Variants in PLAG1 observed in about 807,000 individuals in gnomAD.
PLAG1 encodes PLAG1 zinc finger, also known as zinc finger protein PLAG1.
PLAG1 carries 7 observed loss-of-function variants against 35.5 expected under a neutral mutation model. That is an observed-to-expected ratio of 0.20 (90% CI 0.11 to 0.37). The LOEUF is 0.37. Among genes scored for constraint, PLAG1 ranks in the 10% least tolerant of loss-of-function variants. The pLI is 1.00. For synonymous variants in PLAG1, 229 were observed against 225.4 expected (o/e 1.02, Z -0.14); for missense variants, 454 against 602.8 (o/e 0.75, Z 2.58).
chr8:56,196,654 G>A (rs367865217), intron 1 of PLAG1, among the ~76,000 whole-genome samples: 7 of 152,062 alleles, frequency 4.6e-5, no homozygotes, highest in African/African-American at 1.4e-4. Context: ...ACGCATAGAC[G>A]AGCAGCGTGT....
chr8:56,171,051 G>C, intron 3 of PLAG1, 40 bp downstream of exon 3: 1 of 390,944 alleles, frequency 2.6e-6, no homozygotes, highest in Non-Finnish European at 3.5e-6. Context: ...CTTTAAAGGT[G>C]CATGCATAGA....
chr8:56,208,021 G>T (rs761792308), intron 1 of PLAG1, among the ~76,000 whole-genome samples: 2 of 152,078 alleles, frequency 1.3e-5, no homozygotes, highest in Non-Finnish European at 2.9e-5. Flanking sequence ...CAGTCATAGT[G>T]TCCAAACAAC....
intron 1 of PLAG1, among the ~76,000 whole-genome samples, chr8:56,191,824 A>C (rs79722344): frequency 5.3e-5 from 8 of 150,396 alleles, no homozygotes; most frequent in Non-Finnish European, 8.8e-5. Flanking sequence ...AAAAAAAAAA[A>C]CCCAGAAAGG....
intron 1 of PLAG1, among the ~76,000 whole-genome samples, chr8:56,208,166 G>T (rs944522790): frequency 6.6e-6 from 1 of 151,966 alleles, no homozygotes; most frequent in African/African-American, 2.4e-5. Context: ...TAAATGCACA[G>T]CATAATTCTG....
At chr8:56,178,775 CAG>C (rs1315679691) in intron 2 of PLAG1, among the ~76,000 whole-genome samples, 1 of 151,986 alleles carries the variant, frequency 6.6e-6, no homozygotes, top group Non-Finnish European at 1.5e-5. Context: ...GTCGTACTGA[CAG>C]ACTTACCTGG....
At chr8:56,169,736 G>T (rs1585778948) in intron 3 of PLAG1, among the ~76,000 whole-genome samples, 1 of 152,168 alleles carries the variant, frequency 6.6e-6, no homozygotes, top group South Asian at 2.1e-4. Flanking sequence ...TAGACACAGG[G>T]TCTCAATATG....
In PLAG1 at chr8:56,167,095, A is replaced by G. The variant is rs751455867; in HGVS notation, c.651T>C (p.Tyr217=). ...CCTTTCGCCCAAATCTCTGTGCACAATACTGACAGAGGAAGTCCTTTCTTC... is the reference window on the plus strand; with the variant it reads ...CCTTTCGCCCAAATCTCTGTGCACAGTACTGACAGAGGAAGTCCTTTCTTC... ...HTGRKDFLCQ[Y]CAQRFGRKDH... The change falls in exon 5 of 5, where the codon TAT becomes TAC. Residue 217 remains tyrosine, a synonymous_variant. Coordinates refer to ENST00000316981, the MANE Select transcript of PLAG1 (RefSeq NM_002655.3). This position sits in a 1 kb window ranked among gnomAD's most constrained non-coding sequence, Gnocchi z 5.9. 5 of 1,613,908 alleles carry G rather than the reference A, an allele frequency of 3.1e-6. No individual in the cohort carries two copies. In the African/African-American group the frequency reaches 6.7e-5, roughly 22 times the overall value.
intron 1 of PLAG1, among the ~76,000 whole-genome samples, chr8:56,207,827 C>T (rs1370683340): frequency 2.0e-5 from 3 of 152,008 alleles, no homozygotes; most frequent in African/African-American, 4.8e-5. Flanking sequence ...TGTGCTGTGC[C>T]CCATCTAAAT....
intron 1 of PLAG1, among the ~76,000 whole-genome samples, chr8:56,195,961 C>T (rs1369370389): frequency 2.6e-5 from 4 of 152,238 alleles, no homozygotes; most frequent in South Asian, 2.1e-4. Flanking sequence ...CCTAGTCTCG[C>T]GGGTGTGGGA....
chr8:56,166,730 G>A lies in PLAG1; in HGVS notation c.1016C>T (p.Thr339Ile). The A allele has an allele frequency of 6.2e-7, 1 of 1,614,058 alleles. No individual in the cohort carries two copies. Among genetic ancestry groups the A allele is most frequent in the Non-Finnish European group, 8.5e-7 (1 of 1,179,948 alleles). The change falls in exon 5 of 5, where the codon ACC (threonine) becomes ATC (isoleucine). Residue 339 changes from threonine (T) to isoleucine (I), a missense_variant. Physicochemically the swap from Thr to Ile is moderately conservative, Grantham distance 89. Around this residue, in one of 4 missense-constraint regions of PLAG1, gnomAD observed 271 missense variants for 315.6 expected, o/e 0.86. Transcript: ENST00000316981. ...HLSFKYPFSS[T>I]SYAISIPEKE... ...TTCAGGAATAGAAATTGCATATGAG[G>A]TAGAACTGAACGGATATTTGAAAGA...
At chr8:56,208,559 G>A (rs1423732337) in intron 1 of PLAG1, among the ~76,000 whole-genome samples, 1 of 151,860 alleles carries the variant, frequency 6.6e-6, no homozygotes, top group Non-Finnish European at 1.5e-5. Flanking sequence ...TATACAGTAG[G>A]GCAAGAAAAA....
chr8:56,200,556 T>C (rs1257442946), intron 1 of PLAG1, among the ~76,000 whole-genome samples: 1 of 152,212 alleles, frequency 6.6e-6, no homozygotes, highest in African/African-American at 2.4e-5. Flanking sequence ...AAAGCTACAA[T>C]GCCTTCCGCA....
At chr8:56,203,010 T>C (rs556312921) in intron 1 of PLAG1, among the ~76,000 whole-genome samples, 14 of 152,270 alleles carry the variant, frequency 9.2e-5, no homozygotes, top group African/African-American at 2.9e-4. Context: ...AGAATTTAAA[T>C]ACAACAGACA....
intron 3 of PLAG1, among the ~76,000 whole-genome samples, chr8:56,169,359 G>T (rs888717370): frequency 6.6e-6 from 1 of 152,020 alleles, no homozygotes. Flanking sequence ...AAAAAAGAAT[G>T]AAATGTACAT....
chr8:56,203,656 T>C (rs2129235047), intron 1 of PLAG1, among the ~76,000 whole-genome samples: 1 of 152,170 alleles, frequency 6.6e-6, no homozygotes, highest in East Asian at 1.9e-4. Flanking sequence ...TCACAGAAAC[T>C]TTCCTTCTTG....
chr8:56,174,797 C>A (rs779291430), intron 2 of PLAG1, among the ~76,000 whole-genome samples: 3 of 152,056 alleles, frequency 2.0e-5, no homozygotes, highest in Non-Finnish European at 4.4e-5. Context: ...CATGCACAGA[C>A]TTTTTTGGTC....
chr8:56,185,735 T>C (rs1811999752), intron 1 of PLAG1, among the ~76,000 whole-genome samples: 1 of 152,188 alleles, frequency 6.6e-6, no homozygotes, highest in Admixed American at 6.5e-5. Flanking sequence ...ACTACATGAT[T>C]TAAAGTCTCC....
chr8:56,188,278 A>C (rs1006252649), intron 1 of PLAG1, among the ~76,000 whole-genome samples: 2 of 152,206 alleles, frequency 1.3e-5, no homozygotes, highest in Admixed American at 6.5e-5. Flanking sequence ...TGCGGGGAAG[A>C]TGCAGGGAGG....
At chr8:56,196,003 C>T (rs1001279690) in intron 1 of PLAG1, among the ~76,000 whole-genome samples, 4 of 152,108 alleles carry the variant, frequency 2.6e-5, no homozygotes, top group Admixed American at 2.0e-4. Flanking sequence ...AAGCCAGCTG[C>T]GTGCTCACTG....
Sources: allele counts gnomAD v4.1 joint callset (sites outside exome capture counted in the v4.1 genomes callset), GRCh38; gene constraint gnomAD v4.1.1; regional missense constraint gnomAD v4.1.1; non-coding constraint Gnocchi (gnomAD v3.1); transcripts MANE v1.5; gene names NCBI Gene and HGNC (gene_info 2026-07-23, HGNC 2026-07-21).